CACNA1D: variants seen among roughly 807,000 people sequenced by gnomAD.
The protein encoded by CACNA1D is calcium voltage-gated channel subunit alpha1 D.
In CACNA1D, 55 loss-of-function variants were observed where a neutral mutation model predicts 257.1. The ratio of observed to expected loss-of-function variants is 0.21; its 90% CI spans 0.17 to 0.27. The LOEUF (loss-of-function observed/expected upper bound fraction) is 0.27. CACNA1D is among the 10% of genes least tolerant of loss of function. The pLI, the probability that CACNA1D is intolerant of heterozygous loss-of-function variation, is 1.00. For synonymous variants in CACNA1D, 980 were observed against 1,014.9 expected (o/e 0.97, Z 0.65); for missense variants, 1,876 against 2,784.0 (o/e 0.67, Z 7.34).
chr3:53,764,589 G>T (rs931414315), intron 30 of CACNA1D, among the ~76,000 whole-genome samples: 7 of 152,174 alleles, frequency 4.6e-5, no homozygotes, highest in Non-Finnish European at 7.3e-5. Flanking sequence ...GGCTGGCAGG[G>T]GTGTAGCACC....
intron 3 of CACNA1D, among the ~76,000 whole-genome samples, chr3:53,522,499 G>A (rs1307939929): frequency 6.6e-6 from 1 of 152,226 alleles, no homozygotes; most frequent in Non-Finnish European, 1.5e-5. Context: ...GCCAATAGGT[G>A]TGACTTGCAG....
chr3:53,805,266 A>T, intron 45 of CACNA1D, 120 bp downstream of exon 45: 2 of 905,058 alleles, frequency 2.2e-6, no homozygotes, highest in Non-Finnish European at 1.8e-6. Context: ...CTTAGTCCTC[A>T]AGACCAGCCC....
intron 5 of CACNA1D, among the ~76,000 whole-genome samples, chr3:53,661,089 T>G (rs1303971442): frequency 6.6e-6 from 1 of 152,188 alleles, no homozygotes. Flanking sequence ...GTGTTTGGGG[T>G]TGCCTCACTG....
chr3:53,507,983 G>T (rs1024018843), intron 3 of CACNA1D, among the ~76,000 whole-genome samples: 4 of 151,846 alleles, frequency 2.6e-5, no homozygotes, highest in African/African-American at 7.2e-5. Context: ...GGAAAGGGGG[G>T]GCTGAAAAGA....
At position 53,789,742 on chromosome 3, in the gene CACNA1D, G is replaced by A. The variant is rs1355107075; in HGVS notation, c.4923+2790G>A. ...CTAGGCATGTGCGTGCTTGTGCTGC[G>A]TAGGGTGCAGTCTGTCTGAACAGCT... On this transcript the variant is annotated intron_variant, in intron 40 of 47. Coordinates refer to ENST00000350061, the MANE Select transcript of CACNA1D (RefSeq NM_001128840.3). The surrounding 1 kb of genome is among the most constrained non-coding windows in gnomAD (Gnocchi z 4.2). 2.6e-5 allele frequency among the ~76,000 whole-genome samples: 4 copies of A among 152,348 alleles called. No individual in the cohort carries two copies. The highest frequency in any genetic ancestry group is 1.9e-4 in the East Asian group (1 of 5,190).
chr3:53,593,782 C>A (rs1163880359), intron 3 of CACNA1D, among the ~76,000 whole-genome samples: 1 of 152,162 alleles, frequency 6.6e-6, no homozygotes, highest in African/African-American at 2.4e-5. Context: ...CCACTCCCAA[C>A]TAGCACGTGG....
chr3:53,723,858 G>A lies in CACNA1D; in HGVS notation c.1959G>A (p.Leu653=), dbSNP rs759805779. ...LLNSMKSIAS[L]LLLLFLFIII... Reference sequence around the variant, plus strand: ...ACTCCATGAAGTCCATCGCTTCGCTGTTGCTTCTGCTTTTTCTCTTCATTA... The same window carrying A: ...ACTCCATGAAGTCCATCGCTTCGCTATTGCTTCTGCTTTTTCTCTTCATTA... The change falls in exon 14 of 48, where the codon CTG becomes CTA. Residue 653 remains leucine, a synonymous_variant. Transcript: ENST00000350061. This position sits in a 1 kb window ranked among gnomAD's most constrained non-coding sequence, Gnocchi z 5.6. 11 of 1,614,174 alleles carry A rather than the reference G, an allele frequency of 6.8e-6. 1 individual carries two copies. In the South Asian group the frequency reaches 1.1e-4, roughly 16 times the overall value.
intron 5 of CACNA1D, among the ~76,000 whole-genome samples, chr3:53,663,418 G>C (rs1026734461): frequency 3.9e-5 from 6 of 152,166 alleles, no homozygotes; most frequent in African/African-American, 1.4e-4. Flanking sequence ...TGAGGTCGTG[G>C]GGCCATGGAG....
Position 53,803,492 on chromosome 3 carries a change from G to A in CACNA1D, c.5505G>A (p.Arg1835=). Residue 1835 remains arginine (R), a synonymous_variant, in exon 44 of 48, where the codon AGG becomes AGA. Transcript: ENST00000350061. ...REDPEIHGYF[R]DPHCLGEQEY... ...ACCCAGAGATACATGGCTATTTCAG[G>A]GACCCCCACTGCTTGGGGGAGCAGG... is the stretch of plus-strand genomic sequence containing the variant. 1 of 1,614,186 alleles carries A rather than the reference G, an allele frequency of 6.2e-7. No homozygotes were observed. Among genetic ancestry groups the A allele is most frequent in the East Asian group, 2.2e-5 (1 of 44,880 alleles).
chr3:53,778,645 CT>C (rs1267447814), intron 37 of CACNA1D, among the ~76,000 whole-genome samples: 2 of 152,176 alleles, frequency 1.3e-5, no homozygotes, highest in Non-Finnish European at 2.9e-5. Flanking sequence ...TCCTTTAATC[CT>C]TGCAAGTTCC....
At chr3:53,496,822 G>A (rs184840444) in intron 1 of CACNA1D, among the ~76,000 whole-genome samples, 1 of 152,308 alleles carries the variant, frequency 6.6e-6, no homozygotes, top group Non-Finnish European at 1.5e-5. Context: ...CAGAGATGCG[G>A]AGTAAATGTG....
intron 21 of CACNA1D, 67 bp from the exon 22 acceptor site, chr3:53,742,944 C>A: frequency 1.0e-6 from 1 of 997,820 alleles, no homozygotes; most frequent in Non-Finnish European, 1.6e-6. Flanking sequence ...CAAGATTTTG[C>A]AAAGAGCCCA....
chr3:53,689,512 A>T (rs991566817), intron 8 of CACNA1D, among the ~76,000 whole-genome samples: 17 of 151,768 alleles, frequency 1.1e-4, no homozygotes, highest in Non-Finnish European at 1.3e-4. Context: ...GTCTGCATGG[A>T]GGTGCAGAGG....
chr3:53,613,429 T>A (rs2093603994), intron 3 of CACNA1D, among the ~76,000 whole-genome samples: 1 of 152,150 alleles, frequency 6.6e-6, no homozygotes, highest in Non-Finnish European at 1.5e-5. Flanking sequence ...AGTATCTGAA[T>A]AAGAAACCAG....
At chr3:53,596,872 C>T (rs536086057) in intron 3 of CACNA1D, among the ~76,000 whole-genome samples, 1 of 152,334 alleles carries the variant, frequency 6.6e-6, no homozygotes, top group Non-Finnish European at 1.5e-5. Context: ...GGGAAACATA[C>T]ATCAATTATT....
At chr3:53,565,003 G>A (rs556853751) in intron 3 of CACNA1D, among the ~76,000 whole-genome samples, 33 of 152,292 alleles carry the variant, frequency 2.2e-4, no homozygotes, top group Non-Finnish European at 4.3e-4. Flanking sequence ...TGTGTGGTAT[G>A]AGGTAGGGGC....
At position 53,673,837 on chromosome 3, in the gene CACNA1D, T is replaced by C. The variant is rs2094348468; in HGVS notation, c.1220+711T>C. On this transcript the variant is annotated intron_variant, in intron 8 of 47. Coordinates refer to ENST00000350061, the MANE Select transcript of CACNA1D (RefSeq NM_001128840.3). The surrounding 1 kb of genome is among the most constrained non-coding windows in gnomAD (Gnocchi z 4.1). Reference sequence around the variant, plus strand: ...AGTGGGTAAGCAGTCGGATCCGTGTTGCACCTTCTCCTGCTGCCACGTGTG... The same window carrying C: ...AGTGGGTAAGCAGTCGGATCCGTGTCGCACCTTCTCCTGCTGCCACGTGTG... The C allele has an allele frequency of 6.7e-7, 1 of 1,498,674 alleles. No homozygotes were observed. The highest frequency in any genetic ancestry group is 1.4e-5 in the African/African-American group (1 of 72,752). 92.8% of individuals were successfully genotyped at this position (1,498,674 alleles called of 1,614,324 possible). A position where few individuals can be genotyped will look rare whatever the true frequency, so the allele number is the denominator to read the frequency against.
intron 7 of CACNA1D, 49 bp downstream of exon 7, chr3:53,666,584 G>A: frequency 6.6e-7 from 1 of 1,511,222 alleles, no homozygotes. Context: ...GCTTGGATAA[G>A]TGGGTTTTGT....
Position 53,502,548 on chromosome 3 carries a change from G to GTT in CACNA1D, c.483+837_483+838dup, listed in dbSNP as rs113171057. Among the ~76,000 whole-genome samples the GTT allele has an allele frequency of 3.8e-3, 560 of 146,606 alleles. 2 individuals carry two copies. The highest frequency in any genetic ancestry group is 0.013 in the African/African-American group (512 of 39,992). On this transcript the variant is annotated intron_variant, in intron 3 of 47. Transcript: ENST00000350061. ...ACTTCCTTTGGGAAAGGTTGATATAGTTTTTTTTTTAAAAAAAAAGCACTA... is the reference window on the plus strand; with the variant it reads ...ACTTCCTTTGGGAAAGGTTGATATAGTTTTTTTTTTTTAAAAAAAAAGCACTA...
Sources: gnomAD v4.1 joint callset for allele counts (sites outside exome capture counted in the v4.1 genomes callset) on GRCh38, gnomAD v4.1.1 for gene constraint, Gnocchi (gnomAD v3.1) non-coding constraint, MANE v1.5 for transcripts, NCBI Gene and HGNC (gene_info 2026-07-23, HGNC 2026-07-21) for gene names.